CPNE4: variants seen among roughly 807,000 people sequenced by gnomAD.
CPNE4 encodes the protein copine 4, also known as copine-4.
In CPNE4, 25 loss-of-function variants were observed where a neutral mutation model predicts 67.9. The ratio of observed to expected loss-of-function variants is 0.37; its 90% CI spans 0.27 to 0.51. CPNE4 has a LOEUF of 0.51. Among genes scored for constraint, CPNE4 ranks in the 20% least tolerant of loss-of-function variants. CPNE4 has a pLI of 0.93. For synonymous variants in CPNE4, 242 were observed against 244.9 expected (o/e 0.99, Z 0.11); for missense variants, 464 against 690.8 (o/e 0.67, Z 3.68).
intron 3 of CPNE4, 125 bp from the exon 4 acceptor site, chr3:131,700,105 A>G: frequency 2.0e-6 from 1 of 493,620 alleles, no homozygotes; most frequent in East Asian, 3.5e-5. Context: ...CGTTTGTGTC[A>G]ATTTATATTT....
intron 2 of CPNE4, among the ~76,000 whole-genome samples, chr3:131,761,382 C>T (rs2082887605): frequency 6.6e-6 from 1 of 151,836 alleles, no homozygotes; most frequent in Non-Finnish European, 1.5e-5. Context: ...GCTACCATGC[C>T]TAACACTATC....
intron 1 of CPNE4, among the ~76,000 whole-genome samples, chr3:131,984,986 G>T (rs185372846): frequency 5.9e-5 from 9 of 152,254 alleles, no homozygotes; most frequent in Non-Finnish European, 1.2e-4. Context: ...ATATTGGGCT[G>T]CTATGACAAA....
chr3:131,655,003 CTT>C (rs1282790173), intron 7 of CPNE4, among the ~76,000 whole-genome samples: 6 of 152,184 alleles, frequency 3.9e-5, no homozygotes, highest in African/African-American at 1.4e-4. Flanking sequence ...GGGAAAGAGT[CTT>C]TGAGTAATTG....
intron 2 of CPNE4, among the ~76,000 whole-genome samples, chr3:131,891,208 A>G (rs905113842): frequency 6.6e-6 from 1 of 152,120 alleles, no homozygotes; most frequent in African/African-American, 2.4e-5. Context: ...GTGCCCACAC[A>G]TATCCAAACT....
At chr3:131,947,276 T>C (rs908004669) in intron 1 of CPNE4, among the ~76,000 whole-genome samples, 6 of 152,186 alleles carry the variant, frequency 3.9e-5, no homozygotes, top group African/African-American at 1.4e-4. Flanking sequence ...CATGCAGTTT[T>C]GTTACATAGG....
chr3:131,890,864 A>C (rs2088086496), intron 2 of CPNE4, among the ~76,000 whole-genome samples: 1 of 152,166 alleles, frequency 6.6e-6, no homozygotes, highest in Admixed American at 6.5e-5. Flanking sequence ...CAAACACTGC[A>C]TGATTCCTCT....
intron 12 of CPNE4, among the ~76,000 whole-genome samples, chr3:131,553,592 T>C (rs1186392559): frequency 6.6e-6 from 1 of 152,078 alleles, no homozygotes; most frequent in African/African-American, 2.4e-5. Flanking sequence ...TAAGCACCAG[T>C]TGCCAACAGC....
chr3:131,894,659 A>G (rs564777557), intron 2 of CPNE4, among the ~76,000 whole-genome samples: 1 of 152,192 alleles, frequency 6.6e-6, no homozygotes, highest in Admixed American at 6.6e-5. Flanking sequence ...TGAAAACCAC[A>G]ATGAGATACC....
chr3:131,748,200 T>C lies in CPNE4; in HGVS notation c.181-24575A>G, dbSNP rs576577446. 5.3e-5 allele frequency among the ~76,000 whole-genome samples: 8 copies of C among 152,224 alleles called. No homozygotes were observed. In the South Asian group the frequency reaches 1.4e-3, roughly 28 times the overall value. On this transcript the variant is annotated intron_variant, in intron 2 of 15. Transcript: ENST00000429747. ...GATTACTACTATATATGGTACTATA[T>C]GAATTACTATATTATGGCAATGTAA...
intron 1 of CPNE4, among the ~76,000 whole-genome samples, chr3:131,931,671 C>T (rs140663175): frequency 1.3e-5 from 2 of 152,058 alleles, no homozygotes; most frequent in African/African-American, 2.4e-5. Flanking sequence ...TTGTTTTGCT[C>T]TACCTCTTTA....
intron 7 of CPNE4, among the ~76,000 whole-genome samples, chr3:131,638,529 C>T (rs906498270): frequency 2.0e-5 from 3 of 152,068 alleles, no homozygotes; most frequent in Admixed American, 2.0e-4. Flanking sequence ...AAAACAATTA[C>T]TCATACTAGA....
intron 2 of CPNE4, among the ~76,000 whole-genome samples, chr3:131,877,850 G>A (rs375821589): frequency 2.0e-5 from 3 of 152,212 alleles, no homozygotes; most frequent in Admixed American, 2.0e-4. Flanking sequence ...TCACAAAATA[G>A]GACACCCATA....
At chr3:131,985,891 C>T (rs1180838743) in intron 1 of CPNE4, 2 of 153,944 alleles carry the variant, frequency 1.3e-5, no homozygotes, top group Non-Finnish European at 2.9e-5. Context: ...TATGTTTGCC[C>T]ATGGACTTAG....
chr3:131,984,717 T>C (rs1245167180), intron 1 of CPNE4, among the ~76,000 whole-genome samples: 1 of 152,234 alleles, frequency 6.6e-6, no homozygotes, highest in African/African-American at 2.4e-5. Context: ...CTCATATACA[T>C]GGAAGGTTGT....
intron 1 of CPNE4, among the ~76,000 whole-genome samples, chr3:132,006,347 T>C (rs996551684): frequency 6.6e-6 from 1 of 152,122 alleles, no homozygotes; most frequent in Non-Finnish European, 1.5e-5. Flanking sequence ...CTTAGGGTCA[T>C]TGCGAAGAAA....
At chr3:131,777,495 A>G in intron 2 of CPNE4, among the ~76,000 whole-genome samples, 1 of 152,050 alleles carries the variant, frequency 6.6e-6, no homozygotes, top group Non-Finnish European at 1.5e-5. Flanking sequence ...CCCAAAGGGT[A>G]GATGAGGTTG....
intron 1 of CPNE4, among the ~76,000 whole-genome samples, chr3:131,934,750 C>A (rs566101224): frequency 3.0e-4 from 46 of 152,222 alleles, no homozygotes; most frequent in Admixed American, 7.9e-4. Context: ...AGTTAGGAAG[C>A]AGAGACAAAG....
intron 2 of CPNE4, among the ~76,000 whole-genome samples, chr3:131,815,375 A>G (rs1457741728): frequency 6.6e-6 from 1 of 152,238 alleles, no homozygotes; most frequent in Non-Finnish European, 1.5e-5. Context: ...GGAGACATCT[A>G]AGAGCACCTG....
intron 15 of CPNE4, among the ~76,000 whole-genome samples, chr3:131,541,815 C>T (rs559875576): frequency 4.9e-4 from 75 of 152,034 alleles, no homozygotes; most frequent in Non-Finnish European, 7.4e-4. Context: ...GGATTACAGG[C>T]GCCTGCCACC....
Sources: gnomAD v4.1 joint callset for allele counts (sites outside exome capture counted in the v4.1 genomes callset) on GRCh38, gnomAD v4.1.1 for gene constraint, MANE v1.5 for transcripts, NCBI Gene and HGNC (gene_info 2026-07-23, HGNC 2026-07-21) for gene names.